Variants in LDB2 observed in about 807,000 individuals in gnomAD.
LDB2 encodes the protein LIM domain binding 2.
A neutral mutation model predicts 44.3 loss-of-function variants in LDB2; 12 were observed. That is an observed-to-expected ratio of 0.27 (90% CI 0.17 to 0.44). LDB2 has a LOEUF of 0.44. Ranked by LOEUF, LDB2 falls within the 20% of genes least tolerant of loss-of-function variation. The pLI, the probability that LDB2 is intolerant of heterozygous loss-of-function variation, is 1.00. For synonymous variants in LDB2, 164 were observed against 174.8 expected, an observed-to-expected ratio of 0.94 and a Z score of 0.49; for missense variants, 344 against 473.5, an observed-to-expected ratio of 0.73 and a Z score of 2.54.
chr4:16,567,903 A>G (rs10516303), intron 5 of LDB2, among the ~76,000 whole-genome samples: 14,658 of 152,222 alleles, frequency 0.096, 1,093 homozygotes, highest in East Asian at 0.45. Context: ...AATGGCTTGC[A>G]GTGTTTGGCA....
chr4:16,807,562 A>C (rs1460148366), intron 1 of LDB2, among the ~76,000 whole-genome samples: 1 of 152,196 alleles, frequency 6.6e-6, no homozygotes, highest in African/African-American at 2.4e-5. Flanking sequence ...GAGGAATAGC[A>C]GCTGTTGGTG....
intron 7 of LDB2, 79 bp downstream of exon 7, chr4:16,508,456 A>C: frequency 8.3e-7 from 1 of 1,207,300 alleles, no homozygotes; most frequent in Non-Finnish European, 1.1e-6. Context: ...TTTTCTAATG[A>C]AAAGAGACTT....
chr4:16,875,344 A>G (rs745917815), intron 1 of LDB2, among the ~76,000 whole-genome samples: 1 of 152,174 alleles, frequency 6.6e-6, no homozygotes, highest in Non-Finnish European at 1.5e-5. Context: ...TGAAAAATAA[A>G]TTTTTAAAGA....
At chr4:16,739,608 ATGTATATATACATGTGTGTG>A (rs1561054333) in intron 2 of LDB2, among the ~76,000 whole-genome samples, 13 of 86,204 alleles carry the variant, frequency 1.5e-4, no homozygotes, top group African/African-American at 4.8e-4. Context: ...ATATATATAT[ATGTATATATACATGTGTGTG>A]TATATATGTA....
intron 2 of LDB2, among the ~76,000 whole-genome samples, chr4:16,686,678 G>C (rs1749333367): frequency 6.6e-6 from 1 of 152,164 alleles, no homozygotes; most frequent in Non-Finnish European, 1.5e-5. Context: ...GCTTGTTCTT[G>C]ACATGGTTAC....
chr4:16,819,871 A>C (rs932797035), intron 1 of LDB2, among the ~76,000 whole-genome samples: 9 of 152,352 alleles, frequency 5.9e-5, no homozygotes, highest in African/African-American at 2.2e-4. Flanking sequence ...TGGAAGTATT[A>C]AGAGTCAACA....
chr4:16,631,438 T>G (rs1266472179), intron 2 of LDB2, among the ~76,000 whole-genome samples: 1 of 152,170 alleles, frequency 6.6e-6, no homozygotes, highest in African/African-American at 2.4e-5. Flanking sequence ...TAAAGCAGTG[T>G]GTAGAGGGAA....
chr4:16,742,923 A>T (rs1763620050), intron 2 of LDB2, among the ~76,000 whole-genome samples: 1 of 152,074 alleles, frequency 6.6e-6, no homozygotes, highest in African/African-American at 2.4e-5. Context: ...TGCCTCTGCC[A>T]TGCCTCCCAA....
intron 5 of LDB2, among the ~76,000 whole-genome samples, chr4:16,583,345 T>TAG (rs1715471753): frequency 6.6e-6 from 1 of 152,222 alleles, no homozygotes; most frequent in Non-Finnish European, 1.5e-5. Flanking sequence ...TTCAACTGCA[T>TAG]AGAAGGCTTT....
chr4:16,601,304 C>G (rs1236652623), intron 2 of LDB2, among the ~76,000 whole-genome samples: 1 of 152,144 alleles, frequency 6.6e-6, no homozygotes, highest in Non-Finnish European at 1.5e-5. Flanking sequence ...CTCTGAAGTT[C>G]TACAAGCCTT....
intron 1 of LDB2, among the ~76,000 whole-genome samples, chr4:16,801,688 C>T (rs1331469466): frequency 2.0e-5 from 3 of 152,112 alleles, no homozygotes; most frequent in African/African-American, 7.2e-5. Flanking sequence ...CCTATGAAAT[C>T]GAATTATAAA....
At chr4:16,829,390 A>T (rs993685379) in intron 1 of LDB2, among the ~76,000 whole-genome samples, 1 of 152,226 alleles carries the variant, frequency 6.6e-6, no homozygotes, top group South Asian at 2.1e-4. Flanking sequence ...AATAACGAAC[A>T]AAAGAAAGAG....
chr4:16,584,149 C>G (rs1299112465), intron 5 of LDB2, among the ~76,000 whole-genome samples: 1 of 152,166 alleles, frequency 6.6e-6, no homozygotes, highest in African/African-American at 2.4e-5. Context: ...CAGAAGGTCT[C>G]AATACATGAT....
At chr4:16,562,536 C>G (rs1241209038) in intron 5 of LDB2, among the ~76,000 whole-genome samples, 2 of 152,168 alleles carry the variant, frequency 1.3e-5, no homozygotes, top group African/African-American at 2.4e-5. Context: ...ACACCAGTTA[C>G]AATGGCAGTC....
intron 2 of LDB2, among the ~76,000 whole-genome samples, chr4:16,626,073 G>T (rs150616748): frequency 6.6e-6 from 1 of 152,174 alleles, no homozygotes. Context: ...CCATGGCTTT[G>T]TGCATTATCT....
chr4:16,781,519 C>A (rs1351257209), intron 1 of LDB2, among the ~76,000 whole-genome samples: 1 of 152,086 alleles, frequency 6.6e-6, no homozygotes, highest in Non-Finnish European at 1.5e-5. Context: ...TGCTCCTCTT[C>A]CCCAAGTAGA....
intron 2 of LDB2, among the ~76,000 whole-genome samples, chr4:16,680,023 C>T (rs2152566745): frequency 6.6e-6 from 1 of 152,292 alleles, no homozygotes; most frequent in Admixed American, 6.5e-5. Flanking sequence ...AAGCCCTAAT[C>T]CCCAGTGCAA....
intron 6 of LDB2, among the ~76,000 whole-genome samples, chr4:16,509,067 CAG>C (rs1324277993): frequency 6.6e-6 from 1 of 152,072 alleles, no homozygotes; most frequent in Non-Finnish European, 1.5e-5. Context: ...CTCTTTAAAA[CAG>C]AGAGAGGACT....
intron 5 of LDB2, among the ~76,000 whole-genome samples, chr4:16,560,282 T>G: frequency 6.6e-6 from 1 of 152,032 alleles, no homozygotes; most frequent in East Asian, 1.9e-4. Context: ...CCGGGGCTGG[T>G]TTTTTGAAAG....
Sources: gnomAD v4.1 joint callset for allele counts (sites outside exome capture counted in the v4.1 genomes callset) on GRCh38, gnomAD v4.1.1 for gene constraint, MANE v1.5 for transcripts, NCBI Gene and HGNC (gene_info 2026-07-23, HGNC 2026-07-21) for gene names.